TMEM268: variants seen among roughly 807,000 people sequenced by gnomAD.
The protein encoded by TMEM268 is transmembrane protein C9orf91.
Under a neutral mutation model 39.1 loss-of-function variants are expected in TMEM268, and 24 were observed. That is an observed-to-expected ratio of 0.61 (90% CI 0.44 to 0.86). The LOEUF is 0.86. Among genes scored for constraint, TMEM268 ranks in the 40% least tolerant of loss-of-function variants. The pLI is 0.00. For synonymous variants in TMEM268, 176 were observed against 173.5 expected, an observed-to-expected ratio of 1.01 and a Z score of -0.12; for missense variants, 409 against 428.6, an observed-to-expected ratio of 0.95 and a Z score of 0.40.
intron 1 of TMEM268, among the ~76,000 whole-genome samples, chr9:114,615,057 C>T (rs1026273000): frequency 1.4e-4 from 22 of 151,754 alleles, no homozygotes; most frequent in African/African-American, 2.9e-4. Context: ...CCACCATGCC[C>T]GGCTAATTTT....
At position 114,644,603 on chromosome 9, in the gene TMEM268, A is replaced by AG. The variant is rs1827498638; in HGVS notation, c.*1290_*1291insG. 1 of 151,966 alleles carries AG rather than the reference A, an allele frequency of 6.6e-6. No individual in the cohort carries two copies. Among genetic ancestry groups the AG allele is most frequent in the Admixed American group, 6.6e-5 (1 of 15,226 alleles). 9.4% of individuals were successfully genotyped at this position (151,966 alleles called of 1,614,324 possible). ...ACCTGGACCTGCTAAGGAAAAAAAA[A>AG]TCTTGTGGATTGATTGCTTTGCCAT... On this transcript the variant is annotated 3_prime_UTR_variant, in exon 9 of 9. Transcript: ENST00000288502.
At chr9:114,638,494 A>T (rs1277002168) in intron 7 of TMEM268, 50 bp from the exon 8 acceptor site, 2 of 1,417,228 alleles carry the variant, frequency 1.4e-6, no homozygotes, top group Non-Finnish European at 1.9e-6. Flanking sequence ...AGCCTCGCAG[A>T]TACCACCTGA....
At chr9:114,630,551 C>T (rs1041334910) in intron 5 of TMEM268, among the ~76,000 whole-genome samples, 4 of 152,174 alleles carry the variant, frequency 2.6e-5, no homozygotes, top group South Asian at 2.1e-4. Context: ...AGGATACCGC[C>T]GCCATTTGCT....
At chr9:114,614,769 G>A (rs1243488469) in intron 1 of TMEM268, among the ~76,000 whole-genome samples, 1 of 152,338 alleles carries the variant, frequency 6.6e-6, no homozygotes, top group East Asian at 1.9e-4. Context: ...TCCTTGGTGA[G>A]GGGTGATTTT....
chr9:114,615,988 G>A (rs549378300), intron 1 of TMEM268, among the ~76,000 whole-genome samples: 2 of 150,816 alleles, frequency 1.3e-5, no homozygotes, highest in Non-Finnish European at 3.0e-5. Flanking sequence ...CACCGTGCTC[G>A]GCCTACTTTT....
At chr9:114,614,252 G>C (rs980772276) in intron 1 of TMEM268, among the ~76,000 whole-genome samples, 1 of 152,198 alleles carries the variant, frequency 6.6e-6, no homozygotes, top group Non-Finnish European at 1.5e-5. Flanking sequence ...GTGCAGGGCA[G>C]ATACATGATA....
At chr9:114,632,936 C>T (rs1846462445) in intron 5 of TMEM268, among the ~76,000 whole-genome samples, 1 of 152,178 alleles carries the variant, frequency 6.6e-6, no homozygotes, top group African/African-American at 2.4e-5. Context: ...GGGCTTTATC[C>T]CAGGGCTGTC....
chr9:114,638,665 C>T lies in TMEM268; in HGVS notation c.788C>T (p.Pro263Leu), dbSNP rs150390813. The change falls in exon 8 of 9, where the codon CCT becomes CTT. Residue 263 changes from proline to leucine, a missense_variant. Coordinates refer to ENST00000288502, the MANE Select transcript of TMEM268 (RefSeq NM_153045.4). ...CCTCTCCTGCCCGGCAATTCTTGTC[C>T]TAACGAGAGGCCACTCATGCAGACT... ...DAPLLPGNSC[P>L]NERPLMQTEL... is the part of the protein sequence containing the mutation. 9 of 1,608,136 alleles carry T rather than the reference C, an allele frequency of 5.6e-6. No homozygotes were observed. Among genetic ancestry groups the T allele is most frequent in the Admixed American group, 3.4e-5 (2 of 59,104 alleles).
At chr9:114,631,261 A>G (rs1846380068) in intron 5 of TMEM268, among the ~76,000 whole-genome samples, 1 of 146,708 alleles carries the variant, frequency 6.8e-6, no homozygotes, top group South Asian at 2.2e-4. Context: ...TCTGATGGCA[A>G]CATTATACTC....
chr9:114,605,427 G>C, the TMEM268 span, among the ~76,000 whole-genome samples: 3 of 151,988 alleles, frequency 2.0e-5, no homozygotes, highest in African/African-American at 7.3e-5. Context: ...TTTGGCCAGT[G>C]GTTCAGGGAG....
intron 1 of TMEM268, chr9:114,615,516 T>G (rs1845668812): frequency 6.6e-6 from 1 of 152,662 alleles, no homozygotes; most frequent in African/African-American, 2.4e-5. Flanking sequence ...GAGTTTGGTC[T>G]GTAACTGACT....
chr9:114,628,666 C>T (rs1009036470), intron 5 of TMEM268, among the ~76,000 whole-genome samples: 1 of 152,134 alleles, frequency 6.6e-6, no homozygotes, highest in Non-Finnish European at 1.5e-5. Context: ...ATTATTCCCT[C>T]CTGTGACGGG....
At chr9:114,633,741 G>A in intron 5 of TMEM268, 27 bp from the exon 6 acceptor site, 1 of 1,348,946 alleles carries the variant, frequency 7.4e-7, no homozygotes, top group Non-Finnish European at 1.0e-6. Flanking sequence ...TGGAGGTCTG[G>A]TGATGGGCCT....
At chr9:114,612,624 A>G (rs1006718724) in intron 1 of TMEM268, among the ~76,000 whole-genome samples, 2 of 152,178 alleles carry the variant, frequency 1.3e-5, no homozygotes, top group African/African-American at 4.8e-5. Flanking sequence ...CCTGATGGGC[A>G]TGTCCTGGCC....
chr9:114,641,292 T>C (rs1390579612), intron 8 of TMEM268, among the ~76,000 whole-genome samples: 1 of 152,190 alleles, frequency 6.6e-6, no homozygotes, highest in African/African-American at 2.4e-5. Flanking sequence ...GGGTTAGTCA[T>C]AGAGTGGCTG....
At chr9:114,623,094 A>AACAAC (rs1564288784) in intron 2 of TMEM268, among the ~76,000 whole-genome samples, 57 of 151,754 alleles carry the variant, frequency 3.8e-4, no homozygotes, top group South Asian at 1.0e-3. Context: ...TGTCTCCAAA[A>AACAAC]AACAACAACA....
chr9:114,635,547 C>T (rs189309949), intron 6 of TMEM268, among the ~76,000 whole-genome samples: 10 of 149,676 alleles, frequency 6.7e-5, no homozygotes, highest in Admixed American at 4.0e-4. Flanking sequence ...GGCATGGTGT[C>T]GCATGCCTGT....
chr9:114,629,511 A>G (rs1846300078), intron 5 of TMEM268, among the ~76,000 whole-genome samples: 1 of 152,240 alleles, frequency 6.6e-6, no homozygotes, highest in Non-Finnish European at 1.5e-5. Context: ...AATCTGAGAT[A>G]ATCTCCTAAT....
intron 1 of TMEM268, among the ~76,000 whole-genome samples, chr9:114,613,468 T>A (rs1285469215): frequency 3.9e-5 from 6 of 152,198 alleles, no homozygotes; most frequent in Admixed American, 3.3e-4. Flanking sequence ...CAGAATTATA[T>A]CTGCCTCAGG....
Sources: gnomAD v4.1 joint callset for allele counts (sites outside exome capture counted in the v4.1 genomes callset) on GRCh38, gnomAD v4.1.1 for gene constraint, MANE v1.5 for transcripts, NCBI Gene and HGNC (gene_info 2026-07-23, HGNC 2026-07-21) for gene names.